PLIN3: variants seen among roughly 807,000 people sequenced by gnomAD.
PLIN3 encodes the protein perilipin-3.
A neutral mutation model predicts 35.9 loss-of-function variants in PLIN3; 30 were observed. The ratio of observed to expected loss-of-function variants is 0.84; its 90% confidence interval spans 0.62 to 1.13. The LOEUF is 1.13. Ranked by LOEUF, PLIN3 falls within the 50% of genes most tolerant of loss-of-function variation. The pLI, the probability that PLIN3 is intolerant of heterozygous loss-of-function variation, is 0.00. For missense variants in PLIN3, 603 were observed against 596.9 expected (o/e 1.01, Z -0.11); for synonymous variants, 261 against 262.5 (o/e 0.99, Z 0.06).
chr19:4,846,195 A>G (rs2146200384), intron 6 of PLIN3, among the ~76,000 whole-genome samples: 1 of 152,004 alleles, frequency 6.6e-6, no homozygotes, highest in East Asian at 1.9e-4. Flanking sequence ...CACAAAAAGA[A>G]AAGAAAAATA....
chr19:4,847,893 G>A lies in PLIN3; in HGVS notation c.635-3C>T. 6.2e-7 allele frequency: 1 copy of A among 1,611,196 alleles called. No individual in the cohort carries two copies. The highest frequency in any genetic ancestry group is 2.2e-5 in the East Asian group (1 of 44,820). On this transcript the variant is annotated splice_region_variant and splice_polypyrimidine_tract_variant and intron_variant, in intron 5 of 7. Coordinates refer to ENST00000221957, the MANE Select transcript of PLIN3 (RefSeq NM_005817.5). ...ATCCAGGGATGTGGCGATGCGGGCT[G>A]CAAGGAAAAGGAGAAGGGTCTCTGT...
intron 4 of PLIN3, among the ~76,000 whole-genome samples, chr19:4,855,663 C>T (rs560045863): frequency 1.3e-3 from 194 of 152,172 alleles, no homozygotes; most frequent in Non-Finnish European, 2.0e-3. Flanking sequence ...CCGCCTCGGC[C>T]TCCCAAAGTG....
At position 4,838,888 on chromosome 19, in the gene PLIN3, C is replaced by T. The variant is rs2093624320; in HGVS notation, c.*304G>A. ...GAGCCACCGCACCCGGCCTATATTCCTGATATTTAACAAGGAAAAAAAATT... is the reference window on the plus strand; with the variant it reads ...GAGCCACCGCACCCGGCCTATATTCTTGATATTTAACAAGGAAAAAAAATT... On this transcript the variant is annotated 3_prime_UTR_variant, in exon 8 of 8. Transcript: ENST00000221957. 1 of 224,810 alleles carries T rather than the reference C, an allele frequency of 4.4e-6. No individual in the cohort carries two copies. The allele number at this position is 224,810 out of a possible 1,614,324, so 13.9% of individuals were successfully genotyped here.
intron 4 of PLIN3, among the ~76,000 whole-genome samples, chr19:4,857,578 A>C (rs76412190): frequency 6.7e-6 from 1 of 149,096 alleles, no homozygotes; most frequent in South Asian, 2.1e-4. Context: ...CAAAAAAAAA[A>C]TTTTTTTTTT....
rs192610945 is a variant in PLIN3, at chr19:4,851,114, T to C, written c.634+902A>G. ...AGGAGTTGGAGGCTGCATTGAGCTA[T>C]GATCGCACCACTGCACTTCAGCCTG... On this transcript the variant is annotated intron_variant, in intron 5 of 7. Coordinates refer to ENST00000221957, the MANE Select transcript of PLIN3 (RefSeq NM_005817.5). 2.1e-3 allele frequency among the ~76,000 whole-genome samples: 319 copies of C among 152,152 alleles called. 1 individual carries two copies. The highest frequency in any genetic ancestry group is 7.3e-3 in the African/African-American group (302 of 41,532).
At chr19:4,847,464 G>A (rs2030138769) in intron 6 of PLIN3, among the ~76,000 whole-genome samples, 1 of 152,108 alleles carries the variant, frequency 6.6e-6, no homozygotes, top group Non-Finnish European at 1.5e-5. Flanking sequence ...CAAAGCACTT[G>A]AGGGACTCAC....
chr19:4,863,645 C>T (rs2030748449), intron 1 of PLIN3, among the ~76,000 whole-genome samples: 4 of 151,796 alleles, frequency 2.6e-5, no homozygotes, highest in Admixed American at 2.6e-4. Flanking sequence ...ATGGCAAAAC[C>T]CCGTCTCTAC....
Position 4,852,124 on chromosome 19 carries a change from C to G in PLIN3, c.526G>C (p.Val176Leu). ...ATCTGGCCCAAGCGGGAGCCCATGA[C>G]CGATTGGACGCCGCCGGTCACTACG... ...KSVVTGGVQS[V>L]MGSRLGQMVL... is the part of the protein sequence containing the mutation. The change falls in exon 5 of 8, where the codon GTC becomes CTC. Residue 176 changes from valine to leucine, a missense_variant. Coordinates refer to ENST00000221957, the MANE Select transcript of PLIN3 (RefSeq NM_005817.5). 1 of 1,614,102 alleles carries G rather than the reference C, an allele frequency of 6.2e-7. No homozygotes were observed.
chr19:4,849,366 G>C (rs1475549132), intron 5 of PLIN3, among the ~76,000 whole-genome samples: 2 of 152,006 alleles, frequency 1.3e-5, no homozygotes, highest in African/African-American at 4.8e-5. Context: ...GGAGTGCAGC[G>C]GTGCAATCAT....
In PLIN3 at chr19:4,847,713, TGCAGCA is replaced by T; in HGVS notation, c.806_811del (p.Leu269_Leu270del). On this transcript the variant is annotated inframe_deletion, in exon 6 of 8. Transcript: ENST00000221957. ...CACCAGGCTTAGGACCTGCGACAGC[TGCAGCA>T]GAGCCTCCTGTGCCCTCTGCTTGGT... 6.2e-7 allele frequency: 1 copy of T among 1,607,252 alleles called. No individual in the cohort carries two copies.
At position 4,852,242 on chromosome 19, in the gene PLIN3, C is replaced by T; in HGVS notation, c.408G>A (p.Val136=). ...TGGCCACCGTGTCCTTGGCGCTAGA[C>T]ACCATCTCTTGGGCCCCCGACACCT... The part of the protein sequence containing the change: ...SSKVSGAQEM[V]SSAKDTVATQ... The change falls in exon 5 of 8, where the codon GTG becomes GTA. Residue 136 remains valine (V), a synonymous_variant. Transcript: ENST00000221957. 1 of 1,609,134 alleles carries T rather than the reference C, an allele frequency of 6.2e-7. No homozygotes were observed. Among genetic ancestry groups the T allele is most frequent in the Non-Finnish European group, 8.5e-7 (1 of 1,180,012 alleles).
At chr19:4,861,559 C>T (rs2030677192) in intron 1 of PLIN3, 148 bp from the exon 2 acceptor site, 1 of 595,160 alleles carries the variant, frequency 1.7e-6, no homozygotes, top group Admixed American at 2.9e-5. Flanking sequence ...ACAAGAGTGA[C>T]CTCTGGACTT....
chr19:4,847,152 T>G (rs187321119), intron 6 of PLIN3, among the ~76,000 whole-genome samples: 398 of 151,472 alleles, frequency 2.6e-3, no homozygotes, highest in Middle Eastern at 6.8e-3. Context: ...CCTCCCAAAG[T>G]GCTGGGATTA....
At chr19:4,857,809 C>CTACTAAAAA (rs1458091187) in intron 4 of PLIN3, among the ~76,000 whole-genome samples, 1 of 151,700 alleles carries the variant, frequency 6.6e-6, no homozygotes, top group Non-Finnish European at 1.5e-5. Context: ...AACCCCATCT[C>CTACTAAAAA]TACTAAAAAT....
intron 5 of PLIN3, among the ~76,000 whole-genome samples, chr19:4,848,518 A>G (rs571538538): frequency 2.6e-5 from 4 of 152,362 alleles, no homozygotes; most frequent in East Asian, 1.9e-4. Context: ...CCTGCAGAGA[A>G]TAACAGCATT....
At chr19:4,841,126 G>A (rs942714964) in intron 7 of PLIN3, among the ~76,000 whole-genome samples, 1 of 152,132 alleles carries the variant, frequency 6.6e-6, no homozygotes, top group Admixed American at 6.6e-5. Flanking sequence ...TTCTAGTTGT[G>A]GGTGTGTGCA....
intron 1 of PLIN3, among the ~76,000 whole-genome samples, chr19:4,863,680 G>A (rs1428212627): frequency 6.6e-6 from 1 of 151,132 alleles, no homozygotes; most frequent in Non-Finnish European, 1.5e-5. Flanking sequence ...TTAGCCAGGC[G>A]TGGTGGTGCA....
intron 7 of PLIN3, among the ~76,000 whole-genome samples, chr19:4,842,887 T>G (rs943036875): frequency 6.6e-6 from 1 of 152,236 alleles, no homozygotes; most frequent in East Asian, 1.9e-4. Flanking sequence ...TTGTAGCCCT[T>G]ACTATGTGCT....
rs2030321846 is a variant in PLIN3, at chr19:4,852,204, T to C, written c.446A>G (p.Glu149Gly). The C allele has an allele frequency of 6.2e-7, 1 of 1,612,608 alleles. No individual in the cohort carries two copies. Among genetic ancestry groups the C allele is most frequent in the Non-Finnish European group, 8.5e-7 (1 of 1,179,998 alleles). The part of the protein sequence containing the change: ...AKDTVATQLS[E>G]AVDATRGAVQ... ...AGCACCGCGGGTCGCGTCCACCGCC[T>C]CCGACAATTGGGTGGCCACCGTGTC... Residue 149 changes from glutamate (E) to glycine (G), a missense_variant, in exon 5 of 8, where the codon GAG (glutamate) becomes GGG (glycine). Transcript: ENST00000221957.
Sources: allele counts gnomAD v4.1 joint callset (sites outside exome capture counted in the v4.1 genomes callset), GRCh38; gene constraint gnomAD v4.1.1; transcripts MANE v1.5; gene names NCBI Gene and HGNC (gene_info 2026-07-23, HGNC 2026-07-21).